KCNC1: variants seen among roughly 807,000 people sequenced by gnomAD.
KCNC1 encodes potassium voltage-gated channel subfamily C member 1.
KCNC1 carries 8 observed loss-of-function variants against 43.4 expected under a neutral mutation model. The observed-to-expected ratio is 0.18, with a 90% CI of 0.11 to 0.33. KCNC1 has a LOEUF of 0.33. Ranked by LOEUF, KCNC1 falls within the 10% of genes least tolerant of loss-of-function variation. The pLI is 1.00. For missense variants in KCNC1, 420 were observed against 836.0 expected (o/e 0.50, Z 6.14); for synonymous variants, 361 against 360.5 (o/e 1.00, Z -0.01).
intron 1 of KCNC1, among the ~76,000 whole-genome samples, chr11:17,769,428 G>A (rs1358560199): frequency 2.0e-5 from 3 of 151,762 alleles, no homozygotes; most frequent in Non-Finnish European, 4.4e-5. Flanking sequence ...GGGAGGGAGA[G>A]AGAAAAGAAG....
chr11:17,781,806 G>A lies in KCNC1; in HGVS notation c.*72G>A, dbSNP rs1942001452. 3.8e-6 allele frequency: 4 copies of A among 1,064,734 alleles called. No individual in the cohort carries two copies. The highest frequency in any genetic ancestry group is 1.6e-5 in the African/African-American group (1 of 63,748). The allele number at this position is 1,064,734 out of a possible 1,614,324, so 66.0% of individuals were successfully genotyped here. ...GGACCTGCAGCCCCTCCTCACCCTC[G>A]GACAGAGTAAATTCACGCCATGCAG... On this transcript the variant is annotated 3_prime_UTR_variant, in exon 4 of 4. Coordinates refer to ENST00000265969, the MANE Select transcript of KCNC1 (RefSeq NM_001112741.2). The surrounding 1 kb of genome is among the most constrained non-coding windows in gnomAD (Gnocchi z 5.1).
At chr11:17,755,403 T>C (rs968128598) in intron 1 of KCNC1, among the ~76,000 whole-genome samples, 3 of 152,110 alleles carry the variant, frequency 2.0e-5, no homozygotes, top group African/African-American at 7.2e-5. Context: ...AAAACAGTCC[T>C]AGCGCACCAG....
At chr11:17,765,141 CTG>C (rs1849134273) in intron 1 of KCNC1, among the ~76,000 whole-genome samples, 2 of 152,186 alleles carry the variant, frequency 1.3e-5, no homozygotes. Flanking sequence ...CAGGATGAAA[CTG>C]AGGCCCAGAG....
rs1364783001 is a variant in KCNC1 at position 17,772,468 on chromosome 11, G to A, written c.1374G>A (p.Lys458=). ...AKQKLPKKKK[K]HIPRPPQLGS... The stretch of plus-strand genomic sequence containing the variant: ...AGAAACTACCAAAGAAAAAAAAGAA[G>A]CATATTCCGCGGCCACCGCAGCTGG... Residue 458 remains lysine, a synonymous_variant, in exon 2 of 4, where the codon AAG becomes AAA. Transcript: ENST00000265969. 3 of 1,614,040 alleles carry A rather than the reference G, an allele frequency of 1.9e-6. No individual in the cohort carries two copies. Among genetic ancestry groups the A allele is most frequent in the Non-Finnish European group, 2.5e-6 (3 of 1,180,052 alleles).
At chr11:17,760,657 T>A (rs1250526303) in intron 1 of KCNC1, among the ~76,000 whole-genome samples, 1 of 152,156 alleles carries the variant, frequency 6.6e-6, no homozygotes, top group Non-Finnish European at 1.5e-5. Context: ...CAGATCCGGC[T>A]ACAAGGGCAC....
rs1396836514 is a variant in KCNC1, at chr11:17,735,513, G to C, written c.-490G>C. ...CCTCCCCTCCCCCTCCTGGGGGCTGGCCTCTAGTCCGGCCCCGGGAGCGGC... is the reference window on the plus strand; with the variant it reads ...CCTCCCCTCCCCCTCCTGGGGGCTGCCCTCTAGTCCGGCCCCGGGAGCGGC... On this transcript the variant is annotated 5_prime_UTR_variant, in exon 1 of 4. Transcript: ENST00000265969. The surrounding 1 kb of genome is among the most constrained non-coding windows in gnomAD (Gnocchi z 6.7). 3 of 152,778 alleles carry C rather than the reference G, an allele frequency of 2.0e-5. No homozygotes were observed. Among genetic ancestry groups the C allele is most frequent in the African/African-American group, 7.2e-5 (3 of 41,450 alleles). The allele number at this position is 152,778 out of a possible 1,614,324, so 9.5% of individuals were successfully genotyped here.
rs747615166 is a variant in KCNC1, at chr11:17,772,366, C to T, written c.1272C>T (p.Gly424=). Residue 424 remains glycine, a synonymous_variant, in exon 2 of 4, where the codon GGC becomes GGT. Coordinates refer to ENST00000265969, the MANE Select transcript of KCNC1 (RefSeq NM_001112741.2). ...TGGGGGCTCTGTGTGCGCTGGCGGG[C>T]GTGCTCACCATCGCCATGCCCGTGC... ...MLVGALCALA[G]VLTIAMPVPV... 1.6e-5 allele frequency: 26 copies of T among 1,613,994 alleles called. No individual in the cohort carries two copies. The highest frequency in any genetic ancestry group is 2.2e-5 in the South Asian group (2 of 91,086).
At chr11:17,761,523 G>A (rs1271130418) in intron 1 of KCNC1, among the ~76,000 whole-genome samples, 5 of 152,172 alleles carry the variant, frequency 3.3e-5, no homozygotes, top group Non-Finnish European at 7.4e-5. Flanking sequence ...CTTACTTCCT[G>A]GAGTGTGTTA....
chr11:17,749,134 G>A (rs1335322660), intron 1 of KCNC1, among the ~76,000 whole-genome samples: 1 of 152,186 alleles, frequency 6.6e-6, no homozygotes, highest in Non-Finnish European at 1.5e-5. Flanking sequence ...GGGTCTGCTA[G>A]TTCTTAGCTG....
Position 17,736,769 on chromosome 11 carries a change from G to A in KCNC1, c.570+197G>A, listed in dbSNP as rs1042601878. ...TCTGGTTTTCTATGTATGTCAGTCT[G>A]TGTGTTGCCAAGTTTAATATGTATG... is the stretch of plus-strand genomic sequence containing the variant. On this transcript the variant is annotated intron_variant, in intron 1 of 3. Coordinates refer to ENST00000265969, the MANE Select transcript of KCNC1 (RefSeq NM_001112741.2). This position sits in a 1 kb window ranked among gnomAD's most constrained non-coding sequence, Gnocchi z 9.3. Among the ~76,000 whole-genome samples, 1 of 152,240 alleles carries A rather than the reference G, an allele frequency of 6.6e-6. No homozygotes were observed. The highest frequency in any genetic ancestry group is 2.4e-5 in the African/African-American group (1 of 41,462).
At chr11:17,774,199 C>T (rs950061744) in intron 2 of KCNC1, 40 of 985,406 alleles carry the variant, frequency 4.1e-5, no homozygotes, top group East Asian at 1.1e-4. Context: ...GAAACAGCTC[C>T]GAGCTCTCTG....
At chr11:17,755,323 A>G (rs1849011838) in intron 1 of KCNC1, among the ~76,000 whole-genome samples, 1 of 152,174 alleles carries the variant, frequency 6.6e-6, no homozygotes, top group Admixed American at 6.5e-5. Context: ...TCTGAGAGAA[A>G]TAGGGCGCCA....
chr11:17,738,951 C>T (rs1052824188), intron 1 of KCNC1, among the ~76,000 whole-genome samples: 2 of 152,198 alleles, frequency 1.3e-5, no homozygotes, highest in Non-Finnish European at 2.9e-5. Context: ...CACTGAGGCC[C>T]GTAGGAGGAG....
At chr11:17,749,810 C>G (rs889659992) in intron 1 of KCNC1, among the ~76,000 whole-genome samples, 2 of 152,234 alleles carry the variant, frequency 1.3e-5, no homozygotes, top group Admixed American at 6.5e-5. Context: ...GCCCCAACAC[C>G]TGGAGTATGG....
intron 1 of KCNC1, among the ~76,000 whole-genome samples, chr11:17,759,666 GGAGA>G (rs370943892): frequency 2.6e-5 from 4 of 152,026 alleles, no homozygotes; most frequent in Non-Finnish European, 5.9e-5. Flanking sequence ...AGATGCCTGA[GGAGA>G]GAGAGAGATG....
chr11:17,763,515 C>T lies in KCNC1; in HGVS notation c.571-8150C>T, dbSNP rs183152931. 2.9e-4 allele frequency among the ~76,000 whole-genome samples: 44 copies of T among 149,528 alleles called. 1 individual carries two copies. The South Asian group carries it at 5.6e-3, about 19-fold the overall frequency. On this transcript the variant is annotated intron_variant, in intron 1 of 3. Transcript: ENST00000265969. ...GCCCCCCACACACACTCCCCACGCA[C>T]GCAATGCACACACCCACACCCACAC...
In KCNC1 at chr11:17,736,923, G is replaced by A. The variant is rs1189911430; in HGVS notation, c.570+351G>A. 1.3e-5 allele frequency among the ~76,000 whole-genome samples: 2 copies of A among 152,178 alleles called. No homozygotes were observed. Among genetic ancestry groups the A allele is most frequent in the African/African-American group, 4.8e-5 (2 of 41,436 alleles). On this transcript the variant is annotated intron_variant, in intron 1 of 3. Transcript: ENST00000265969. This position sits in a 1 kb window ranked among gnomAD's most constrained non-coding sequence, Gnocchi z 9.3. ...TGAGCATGTGTGTATGTTCGAGTGT[G>A]CATGAGCGCCTGCCCGTGAACATTT... is the stretch of plus-strand genomic sequence containing the variant.
chr11:17,751,695 G>A (rs1848970336), intron 1 of KCNC1, among the ~76,000 whole-genome samples: 3 of 152,234 alleles, frequency 2.0e-5, no homozygotes, highest in Admixed American at 2.0e-4. Flanking sequence ...AGAGAACCAG[G>A]ACCAGGCTGG....
At chr11:17,775,769 G>T in intron 2 of KCNC1, 1 of 985,922 alleles carries the variant, frequency 1.0e-6, no homozygotes, top group Non-Finnish European at 1.2e-6. Context: ...GTGGGTGGCC[G>T]GTGGAGGGGG....
Sources: gnomAD v4.1 joint callset for allele counts (sites outside exome capture counted in the v4.1 genomes callset) on GRCh38, gnomAD v4.1.1 for gene constraint, Gnocchi (gnomAD v3.1) non-coding constraint, MANE v1.5 for transcripts, NCBI Gene and HGNC (gene_info 2026-07-23, HGNC 2026-07-21) for gene names.